The following EYS variants were observed in gnomAD, a reference collection of about 807,000 sequenced individuals.
EYS encodes EGF-like photoreceptor maintenance factor.
A neutral mutation model predicts 282.1 loss-of-function variants in EYS; 250 were observed. The observed-to-expected ratio is 0.89, with a 90% CI of 0.80 to 0.98. EYS has a LOEUF of 0.98. Ranked by LOEUF, EYS falls within the 50% of genes least tolerant of loss-of-function variation. The pLI is 0.00. For missense variants in EYS, 4,016 were observed against 3,709.0 expected (o/e 1.08, Z -2.15); for synonymous variants, 1,355 against 1,282.9 (o/e 1.06, Z -1.20).
At chr6:63,749,639 G>T (rs992994259) in intron 41 of EYS, among the ~76,000 whole-genome samples, 1 of 152,080 alleles carries the variant, frequency 6.6e-6, no homozygotes, top group African/African-American at 2.4e-5. Context: ...CTCCAAGCAG[G>T]TTTTCCTGCC....
At chr6:63,953,212 C>T (rs1485686382) in intron 35 of EYS, among the ~76,000 whole-genome samples, 1 of 152,202 alleles carries the variant, frequency 6.6e-6, no homozygotes, top group Non-Finnish European at 1.5e-5. Flanking sequence ...ACCCATTAGT[C>T]CCAGCAGCTT....
chr6:64,126,075 T>G (rs1021760713), intron 31 of EYS, among the ~76,000 whole-genome samples: 1 of 152,106 alleles, frequency 6.6e-6, no homozygotes, highest in African/African-American at 2.4e-5. Context: ...GTAAACTAGT[T>G]GCTGGTGGGA....
At position 65,024,264 on chromosome 6, in the gene EYS, AC is replaced by A. The variant is rs1341085398; in HGVS notation, c.2138-26562del. Among the ~76,000 whole-genome samples the A allele has an allele frequency of 2.0e-5, 3 of 152,336 alleles. No individual in the cohort carries two copies. The East Asian group carries it at 5.8e-4, about 29-fold the overall frequency. ...GATTTAAGTAGCATTCATAGCAATG[AC>A]ATGATTTAATATTCATAAAAATGGC... On this transcript the variant is annotated intron_variant, in intron 13 of 42. Coordinates refer to ENST00000503581, the MANE Select transcript of EYS (RefSeq NM_001142800.2).
chr6:65,200,468 G>A (rs1034863338), intron 12 of EYS, among the ~76,000 whole-genome samples: 3 of 151,626 alleles, frequency 2.0e-5, no homozygotes, highest in Non-Finnish European at 4.4e-5. Context: ...ATAAAACTCT[G>A]AGGGGTGGGG....
intron 21 of EYS, among the ~76,000 whole-genome samples, chr6:64,819,508 A>G (rs140048391): frequency 0.012 from 1,794 of 152,094 alleles, 37 homozygotes; most frequent in African/African-American, 0.04. Context: ...GAATTAACAG[A>G]CCCTTTGATA....
intron 7 of EYS, among the ~76,000 whole-genome samples, chr6:65,392,472 C>A (rs1389092787): frequency 6.6e-6 from 1 of 152,108 alleles, no homozygotes; most frequent in Non-Finnish European, 1.5e-5. Context: ...AACAAATTTA[C>A]AAGAAAACAA....
intron 12 of EYS, among the ~76,000 whole-genome samples, chr6:65,069,110 A>G (rs906744018): frequency 6.6e-6 from 1 of 151,966 alleles, no homozygotes; most frequent in African/African-American, 2.4e-5. Flanking sequence ...TAAATGTGAT[A>G]TTACTCCTAC....
chr6:65,517,700 A>G (rs1294187659), intron 2 of EYS, among the ~76,000 whole-genome samples: 1 of 152,084 alleles, frequency 6.6e-6, no homozygotes. Flanking sequence ...GTAGTATGAA[A>G]CTACAGTTTA....
chr6:64,966,247 T>G (rs756186132), intron 14 of EYS, among the ~76,000 whole-genome samples: 14 of 152,166 alleles, frequency 9.2e-5, no homozygotes, highest in Admixed American at 6.5e-5. Flanking sequence ...TGCTAATGGA[T>G]AGATTATTTT....
intron 30 of EYS, among the ~76,000 whole-genome samples, chr6:64,232,645 C>CG (rs142201584): frequency 0.015 from 2,326 of 152,058 alleles, 58 homozygotes; most frequent in African/African-American, 0.053. Context: ...CCAGCCTCGG[C>CG]CCCCCCAGAG....
At chr6:64,381,601 ATTG>A (rs759629970) in intron 29 of EYS, among the ~76,000 whole-genome samples, 9 of 152,018 alleles carry the variant, frequency 5.9e-5, no homozygotes, top group Non-Finnish European at 1.2e-4. Context: ...AGTGGACGTT[ATTG>A]TTGTTTTTAC....
intron 31 of EYS, among the ~76,000 whole-genome samples, chr6:64,169,809 G>A (rs1764421218): frequency 6.6e-6 from 1 of 152,074 alleles, no homozygotes; most frequent in African/African-American, 2.4e-5. Flanking sequence ...AGAGAAAGGT[G>A]GAAAGTGGAG....
chr6:64,731,136 G>A (rs1771949391), intron 22 of EYS: 1 of 151,980 alleles, frequency 6.6e-6, no homozygotes, highest in African/African-American at 2.4e-5. Context: ...ACTCAAGATA[G>A]ATTAAATACT....
chr6:65,085,691 A>G (rs1774345202), intron 12 of EYS, among the ~76,000 whole-genome samples: 1 of 152,150 alleles, frequency 6.6e-6, no homozygotes, highest in African/African-American at 2.4e-5. Context: ...AACACAACTC[A>G]GATATCTTAA....
chr6:64,031,416 T>A (rs913991957), intron 33 of EYS, among the ~76,000 whole-genome samples: 5 of 152,136 alleles, frequency 3.3e-5, no homozygotes, highest in Non-Finnish European at 5.9e-5. Context: ...CCACCCTCCA[T>A]GGGCTCCTGT....
intron 29 of EYS, among the ~76,000 whole-genome samples, chr6:64,343,478 A>C (rs1771222190): frequency 6.6e-6 from 1 of 152,180 alleles, no homozygotes; most frequent in Non-Finnish European, 1.5e-5. Context: ...AATGAAATGA[A>C]GGCAGAAATA....
chr6:65,005,287 C>A (rs1771607005), intron 13 of EYS, among the ~76,000 whole-genome samples: 1 of 147,928 alleles, frequency 6.8e-6, no homozygotes, highest in Non-Finnish European at 1.5e-5. Flanking sequence ...CCTAATCGAG[C>A]TGAACGCTAG....
intron 12 of EYS, among the ~76,000 whole-genome samples, chr6:65,182,033 G>A (rs2150234064): frequency 6.6e-6 from 1 of 151,756 alleles, no homozygotes; most frequent in Non-Finnish European, 1.5e-5. Context: ...ACAGGAAGGG[G>A]AACATCACAC....
intron 14 of EYS, among the ~76,000 whole-genome samples, chr6:64,946,786 G>A (rs1302071746): frequency 3.3e-5 from 5 of 151,888 alleles, no homozygotes; most frequent in African/African-American, 1.2e-4. Flanking sequence ...ATTAAAAAAG[G>A]AATGCCAAGT....
Sources: allele counts gnomAD v4.1 joint callset (sites outside exome capture counted in the v4.1 genomes callset), GRCh38; gene constraint gnomAD v4.1.1; transcripts MANE v1.5; gene names NCBI Gene and HGNC (gene_info 2026-07-23, HGNC 2026-07-21).